Variants in LY96 observed in about 807,000 individuals in gnomAD.
LY96 encodes myeloid differentiation protein-2.
Under a neutral mutation model 18.9 loss-of-function variants are expected in LY96, and 18 were observed. That is an observed-to-expected ratio of 0.95 (90% CI 0.66 to 1.41). LY96 has a LOEUF of 1.41. LY96 is among the 40% of genes most tolerant of loss of function. The pLI is 0.00. For missense variants in LY96, 175 were observed against 182.4 expected, an observed-to-expected ratio of 0.96 and a Z score of 0.23; for synonymous variants, 66 against 62.6, an observed-to-expected ratio of 1.06 and a Z score of -0.26.
chr8:74,019,304 A>G (rs1172718385), intron 3 of LY96, among the ~76,000 whole-genome samples: 3 of 152,238 alleles, frequency 2.0e-5, no homozygotes, highest in Non-Finnish European at 4.4e-5. Flanking sequence ...CTATGCAAAT[A>G]AACTAGAAAA....
the LY96 span, among the ~76,000 whole-genome samples, chr8:74,068,743 A>G: frequency 0.035 from 5,300 of 152,302 alleles, 136 homozygotes; most frequent in Non-Finnish European, 0.051. Context: ...TCTCTTATGA[A>G]GGATCTGTTA....
chr8:74,018,524 G>A lies in LY96; in HGVS notation c.332-8265G>A, dbSNP rs578036194. 1.8e-4 allele frequency among the ~76,000 whole-genome samples: 27 copies of A among 152,218 alleles called. 1 individual carries two copies. In the South Asian group the frequency reaches 5.4e-3, roughly 30 times the overall value. On this transcript the variant is annotated intron_variant, in intron 3 of 4. Transcript: ENST00000284818. Reference sequence around the variant, plus strand: ...TATTAGACAGATCAATGAGACAGAAGGTTAACAAGGATATCCAGGACTTGA... The same window carrying A: ...TATTAGACAGATCAATGAGACAGAAAGTTAACAAGGATATCCAGGACTTGA...
At chr8:74,054,521 TTC>T in the LY96 span, among the ~76,000 whole-genome samples, 11 of 10,132 alleles carry the variant, frequency 1.1e-3, no homozygotes, top group Non-Finnish European at 2.0e-3. Flanking sequence ...TTTCTTTCTT[TTC>T]CTTCCTTCCT....
intron 3 of LY96, among the ~76,000 whole-genome samples, chr8:74,012,675 A>C (rs79744209): frequency 0.081 from 12,373 of 152,254 alleles, 598 homozygotes; most frequent in East Asian, 0.24. Flanking sequence ...TAAATAAATA[A>C]ATAAAAAAGT....
intron 3 of LY96, among the ~76,000 whole-genome samples, chr8:74,022,367 A>G (rs1176580486): frequency 1.3e-5 from 2 of 151,734 alleles, no homozygotes; most frequent in Non-Finnish European, 2.9e-5. Context: ...AGATCCCACC[A>G]CTGCACTCCA....
At chr8:74,086,842 A>G in the LY96 span, among the ~76,000 whole-genome samples, 10 of 152,232 alleles carry the variant, frequency 6.6e-5, no homozygotes, top group Non-Finnish European at 1.5e-5. Context: ...AGAAGGGGCC[A>G]TCTATCAACA....
the LY96 span, among the ~76,000 whole-genome samples, chr8:74,085,201 C>T: frequency 6.6e-6 from 1 of 152,276 alleles, no homozygotes; most frequent in Admixed American, 6.5e-5. Flanking sequence ...TATGTTATTC[C>T]CATTTTACAG....
At chr8:74,069,105 G>A in the LY96 span, among the ~76,000 whole-genome samples, 1 of 152,142 alleles carries the variant, frequency 6.6e-6, no homozygotes, top group African/African-American at 2.4e-5. Flanking sequence ...ATAATCTTTA[G>A]ATATTATGGA....
the LY96 span, among the ~76,000 whole-genome samples, chr8:74,043,496 C>T: frequency 4.6e-5 from 7 of 152,200 alleles, no homozygotes; most frequent in African/African-American, 1.7e-4. Context: ...GGTGGGGGCA[C>T]TGCCATTGCC....
the LY96 span, among the ~76,000 whole-genome samples, chr8:74,043,641 G>A: frequency 7.2e-5 from 11 of 152,202 alleles, no homozygotes; most frequent in Non-Finnish European, 1.3e-4. Context: ...TGTTGGATAC[G>A]TGGATTACAT....
chr8:73,991,433 A>G lies in LY96; in HGVS notation c.-10A>G. 1 of 1,419,360 alleles carries G rather than the reference A, an allele frequency of 7.0e-7. No homozygotes were observed. The highest frequency in any genetic ancestry group is 1.1e-5 in the South Asian group (1 of 87,042). 87.9% of individuals were successfully genotyped at this position (1,419,360 alleles called of 1,614,324 possible). A position where few individuals can be genotyped will look rare whatever the true frequency, so the allele number is the denominator to read the frequency against. ...TCTTTGCATTTGTAAAGCTTTGGAG[A>G]TATTGAATCATGTTACCATTTCTGT... On this transcript the variant is annotated 5_prime_UTR_variant, in exon 1 of 5. Transcript: ENST00000284818.
At chr8:74,052,340 A>G in the LY96 span, 1 of 152,218 alleles carries the variant, frequency 6.6e-6, no homozygotes, top group African/African-American at 2.4e-5. Context: ...GCACACAGAT[A>G]CTTGGAAGAA....
chr8:74,027,311 CTTTTTTT>C (rs546118809), intron 4 of LY96, among the ~76,000 whole-genome samples: 2 of 135,666 alleles, frequency 1.5e-5, no homozygotes, highest in African/African-American at 5.4e-5. Context: ...TTAGAATTAG[CTTTTTTT>C]TTTTTTTTTT....
At chr8:73,996,356 CCTTCCTTCCTTCATTCCTTTCTTT>C (rs1816128640) in intron 1 of LY96, among the ~76,000 whole-genome samples, 1 of 126,592 alleles carries the variant, frequency 7.9e-6, no homozygotes, top group African/African-American at 3.0e-5. Flanking sequence ...TTCCTTCCTT[CCTTCCTTCCTTCATTCCTTTCTTT>C]CTTTCTTTCT....
chr8:74,064,610 C>G, the LY96 span, among the ~76,000 whole-genome samples: 1 of 152,172 alleles, frequency 6.6e-6, no homozygotes, highest in African/African-American at 2.4e-5. Context: ...TTCCTTCTAC[C>G]AGTATTGGAA....
chr8:74,018,645 T>C (rs576899366), intron 3 of LY96, among the ~76,000 whole-genome samples: 48 of 152,216 alleles, frequency 3.2e-4, no homozygotes, highest in Non-Finnish European at 3.7e-4. Flanking sequence ...ACATTGCACT[T>C]ATTCCAAAAT....
the LY96 span, among the ~76,000 whole-genome samples, chr8:74,062,658 G>T: frequency 2.6e-5 from 4 of 152,094 alleles, no homozygotes; most frequent in Non-Finnish European, 5.9e-5. Flanking sequence ...ATGGGCGTTT[G>T]GGTTGATTCC....
the LY96 span, among the ~76,000 whole-genome samples, chr8:74,074,719 T>C: frequency 6.6e-6 from 1 of 152,192 alleles, no homozygotes; most frequent in Non-Finnish European, 1.5e-5. Flanking sequence ...AAATTTTCAG[T>C]TTCCTTAATT....
At chr8:74,040,937 C>T in the LY96 span, among the ~76,000 whole-genome samples, 2 of 152,060 alleles carry the variant, frequency 1.3e-5, no homozygotes, top group African/African-American at 4.8e-5. Context: ...CTCCTGACCT[C>T]GTGATCCACC....
Sources: allele counts gnomAD v4.1 joint callset (sites outside exome capture counted in the v4.1 genomes callset), GRCh38; gene constraint gnomAD v4.1.1; transcripts MANE v1.5; gene names NCBI Gene and HGNC (gene_info 2026-07-23, HGNC 2026-07-21).